CELSR2: variants seen among roughly 807,000 people sequenced by gnomAD.
CELSR2 encodes cadherin EGF LAG seven-pass G-type receptor 2.
A neutral mutation model predicts 251.6 loss-of-function variants in CELSR2; 81 were observed. The ratio of observed to expected loss-of-function variants is 0.32; its 90% CI spans 0.27 to 0.39. The LOEUF is 0.39. CELSR2 is among the 10% of genes least tolerant of loss of function. The pLI is 1.00. For missense variants in CELSR2, 3,365 were observed against 3,947.7 expected (o/e 0.85, Z 3.96); for synonymous variants, 1,721 against 1,670.5 (o/e 1.03, Z -0.74).
intron 12 of CELSR2, 53 bp from the exon 13 acceptor site, chr1:109,265,138 G>A: frequency 6.3e-7 from 1 of 1,581,066 alleles, no homozygotes. Flanking sequence ...GCTCACCTAG[G>A]TTAGGTGGGA....
In CELSR2 at chr1:109,274,267, A is replaced by G. The variant is rs1400492151; in HGVS notation, c.*218A>G. 1 of 1,192,416 alleles carries G rather than the reference A, an allele frequency of 8.4e-7. No homozygotes were observed. Among genetic ancestry groups the G allele is most frequent in the African/African-American group, 1.6e-5 (1 of 64,350 alleles). 73.9% of individuals were successfully genotyped at this position (1,192,416 alleles called of 1,614,324 possible). On this transcript the variant is annotated 3_prime_UTR_variant, in exon 34 of 34. Coordinates refer to ENST00000271332, the MANE Select transcript of CELSR2 (RefSeq NM_001408.3). ...CCCCCCCCACCATTCCCCTCACTGC[A>G]CTTTGGACCCCTGGGGCCAACATCT...
Position 109,263,633 on chromosome 1 carries a change from C to T in CELSR2, c.4857C>T (p.Phe1619=). ...CAQEMANPQH[F]LGSSLVAWHG... ...CAGAAATGGCCAATCCACAGCACTT[C>T]CTGGGCAGCAGCCTGGTGGCCTGGC... The change falls in exon 9 of 34, where the codon TTC becomes TTT. Residue 1619 remains phenylalanine (F), a synonymous_variant. Transcript: ENST00000271332. 6.2e-7 allele frequency: 1 copy of T among 1,614,044 alleles called. No individual in the cohort carries two copies.
Position 109,251,221 on chromosome 1 carries a change from C to T in CELSR2, c.1142C>T (p.Thr381Ile). 1.2e-6 allele frequency: 2 copies of T among 1,614,008 alleles called. No individual in the cohort carries two copies. Among genetic ancestry groups the T allele is most frequent in the Non-Finnish European group, 1.7e-6 (2 of 1,180,008 alleles). ...DQGRDPGPRS[T>I]TAAVFLSVED... Reference sequence around the variant, plus strand: ...GGTCGGGACCCGGGTCCTCGGAGTACCACAGCCGCTGTTTTCCTTTCTGTG... The same window carrying T: ...GGTCGGGACCCGGGTCCTCGGAGTATCACAGCCGCTGTTTTCCTTTCTGTG... The change falls in exon 1 of 34, where the codon ACC (threonine) becomes ATC (isoleucine). Residue 381 changes from threonine to isoleucine, a missense_variant. Physicochemically the swap from Thr to Ile is moderately conservative, Grantham distance 89. Around this residue, in one of 5 missense-constraint regions of CELSR2, gnomAD observed 704 missense variants for 784.1 expected, o/e 0.90. Coordinates refer to ENST00000271332, the MANE Select transcript of CELSR2 (RefSeq NM_001408.3). The surrounding 1 kb of genome is among the most constrained non-coding windows in gnomAD (Gnocchi z 4.9).
At position 109,264,461 on chromosome 1, in the gene CELSR2, G is replaced by A. The variant is rs781746147; in HGVS notation, c.5297G>A (p.Arg1766Gln). 43 of 1,612,520 alleles carry A rather than the reference G, an allele frequency of 2.7e-5. No individual in the cohort carries two copies. The highest frequency in any genetic ancestry group is 2.8e-5 in the Non-Finnish European group (33 of 1,178,940). ...RGFRGCLQGVRVSDTPEGVNS... is the reference protein window; with the variant it reads ...RGFRGCLQGVQVSDTPEGVNS... ...TGCTCCTGTCCCTCCCAGGGTGTGC[G>A]GGTGAGCGATACGCCGGAGGGGGTT... The change falls in exon 11 of 34, where the codon CGG becomes CAG. Residue 1766 changes from arginine to glutamine, a missense_variant. By Grantham distance (43) the Arg-to-Gln change is conservative. This residue lies in a region of CELSR2 where 2,093 missense variants were observed against 2,382.8 expected (regional missense o/e 0.88). Coordinates refer to ENST00000271332, the MANE Select transcript of CELSR2 (RefSeq NM_001408.3).
chr1:109,261,760 A>G lies in CELSR2; in HGVS notation c.4298-48A>G, dbSNP rs1656027316. The G allele has an allele frequency of 6.4e-7, 1 of 1,565,122 alleles. No homozygotes were observed. Among genetic ancestry groups the G allele is most frequent in the Non-Finnish European group, 8.7e-7 (1 of 1,148,624 alleles). ...AGCCACTGGCACCCCAAACCCTGCC[A>G]TTCCTAGCCCTCGTCAGGCATTCCA... On this transcript the variant is annotated intron_variant, in intron 4 of 33. Transcript: ENST00000271332. This position sits in a 1 kb window ranked among gnomAD's most constrained non-coding sequence, Gnocchi z 4.8.
Position 109,271,251 on chromosome 1 carries a change from C to A in CELSR2, c.7631C>A (p.Ala2544Asp). 6.2e-7 allele frequency: 1 copy of A among 1,614,058 alleles called. No homozygotes were observed. The highest frequency in any genetic ancestry group is 8.5e-7 in the Non-Finnish European group (1 of 1,180,012). Residue 2544 changes from alanine (A) to aspartate (D), a missense_variant, in exon 26 of 34, where the codon GCC (alanine) becomes GAC (aspartate). Physicochemically the swap from Ala to Asp is moderately radical, Grantham distance 126. Coordinates refer to ENST00000271332, the MANE Select transcript of CELSR2 (RefSeq NM_001408.3). ...SVFLYILAAR[A>D]SCAAQRQGFE... is the part of the protein sequence containing the mutation. ...TTCCTGTACATCCTGGCGGCCCGGG[C>A]CTCCTGTGCTGCCCAGCGGCAGGGC... is the stretch of plus-strand genomic sequence containing the variant.
In CELSR2 at chr1:109,258,521, G is replaced by A. The variant is rs1224808583; in HGVS notation, c.3400G>A (p.Glu1134Lys). The A allele has an allele frequency of 3.7e-6, 6 of 1,604,654 alleles. No individual in the cohort carries two copies. Among genetic ancestry groups the A allele is most frequent in the Non-Finnish European group, 4.3e-6 (5 of 1,176,000 alleles). Residue 1134 changes from glutamate to lysine, a missense_variant, in exon 2 of 34, where the codon GAG becomes AAG. This residue lies in a region of CELSR2 where 505 missense variants were observed against 660.0 expected (regional missense o/e 0.77). Transcript: ENST00000271332. ...CACCCACAGCATCACGCTGCGCCTGGAGGACATGTCACCCGAGCGCTTCCT... is the reference window on the plus strand; with the variant it reads ...CACCCACAGCATCACGCTGCGCCTGAAGGACATGTCACCCGAGCGCTTCCT... ...MLTHSITLRL[E>K]DMSPERFLSP...
chr1:109,262,259 C>T (rs371676607), intron 5 of CELSR2, 28 bp from the exon 6 acceptor site: 399 of 1,610,126 alleles, frequency 2.5e-4, no homozygotes, highest in Non-Finnish European at 3.2e-4. Flanking sequence ...ACTCAGTGTC[C>T]CCCTTCTCTG....
intron 11 of CELSR2, 117 bp from the exon 12 acceptor site, chr1:109,264,751 A>G (rs1656141682): frequency 1.9e-6 from 3 of 1,585,074 alleles, no homozygotes; most frequent in South Asian, 1.1e-5. Context: ...TGCCTACACA[A>G]CAAAGCCATA....
chr1:109,272,512 T>TG, intron 29 of CELSR2, 107 bp downstream of exon 29: 1 of 1,507,666 alleles, frequency 6.6e-7, no homozygotes, highest in South Asian at 1.2e-5. Context: ...GTGGCTGACG[T>TG]GGGGGCCAGC....
chr1:109,264,581 G>A lies in CELSR2; in HGVS notation c.5417G>A (p.Ser1806Asn), dbSNP rs150253920. 4 of 1,613,964 alleles carry A rather than the reference G, an allele frequency of 2.5e-6. No individual in the cohort carries two copies. The African/African-American group carries it at 4.0e-5, about 16-fold the overall frequency. Residue 1806 changes from serine to asparagine, a missense_variant, in exon 11 of 34, where the codon AGC (serine) becomes AAC (asparagine). Ser to Asn is a conservative substitution (Grantham distance 46). Transcript: ENST00000271332. ...GACTCAAACCCGTGTCCTGCTAACA[G>A]CTATTGCAGCAACGACTGGGACAGC... ...PCDSNPCPAN[S>N]YCSNDWDSYS... is the part of the protein sequence containing the mutation.
At position 109,273,617 on chromosome 1, in the gene CELSR2, C is replaced by T. The variant is rs1219536414; in HGVS notation, c.8691C>T (p.Pro2897=). The T allele has an allele frequency of 2.0e-6, 3 of 1,530,772 alleles. No homozygotes were observed. Among genetic ancestry groups the T allele is most frequent in the African/African-American group, 1.4e-5 (1 of 72,208 alleles). The allele number at this position is 1,530,772 out of a possible 1,614,324, so 94.8% of individuals were successfully genotyped here. ...AGGAGCAGCTGAACGGGGTCATGCC[C>T]ATCGCCATGAGCATCAAGGCAGGCA... ...SLQEQLNGVM[P]IAMSIKAGTV... is the part of the protein sequence containing the mutation. Residue 2897 remains proline (P), a synonymous_variant, in exon 33 of 34, where the codon CCC becomes CCT. Coordinates refer to ENST00000271332, the MANE Select transcript of CELSR2 (RefSeq NM_001408.3).
At chr1:109,268,228 C>A (rs1656260504) in intron 17 of CELSR2, among the ~76,000 whole-genome samples, 168 bp downstream of exon 17, 1 of 152,208 alleles carries the variant, frequency 6.6e-6, no homozygotes, top group Non-Finnish European at 1.5e-5. Context: ...CAGCCCTCTT[C>A]CCAACCCTTC....
rs991662960 is a variant in CELSR2 at position 109,258,632 on chromosome 1, C to T, written c.3511C>T (p.Arg1171Trp). The change falls in exon 2 of 34, where the codon CGG becomes TGG. Residue 1171 changes from arginine to tryptophan, a missense_variant. Physicochemically the swap from Arg to Trp is moderately radical, Grantham distance 101. This residue lies in a region of CELSR2 where 2,093 missense variants were observed against 2,382.8 expected (regional missense o/e 0.88). Coordinates refer to ENST00000271332, the MANE Select transcript of CELSR2 (RefSeq NM_001408.3). ...CCACGTGGTGGTCTTCAACGTACAG[C>T]GGGACACCGACGCCCCCGGGGGCCA... The part of the protein sequence containing the change: ...PDHVVVFNVQ[R>W]DTDAPGGHIL... The T allele has an allele frequency of 3.1e-5, 48 of 1,561,504 alleles. No individual in the cohort carries two copies. Among genetic ancestry groups the T allele is most frequent in the Non-Finnish European group, 4.0e-5 (46 of 1,152,776 alleles).
At position 109,264,269 on chromosome 1, in the gene CELSR2, C is replaced by T. The variant is rs1335566021; in HGVS notation, c.5193C>T (p.Gly1731=). 3.1e-6 allele frequency: 5 copies of T among 1,613,800 alleles called. No homozygotes were observed. In the East Asian group the frequency reaches 6.7e-5, roughly 22 times the overall value. ...YGQQRAEGNL[G]PRLHGLHLSN... Reference sequence around the variant, plus strand: ...AGCAGAGAGCAGAGGGCAACCTGGGCCCCCGGCTGCATGGTCTGCACCTGA... The same window carrying T: ...AGCAGAGAGCAGAGGGCAACCTGGGTCCCCGGCTGCATGGTCTGCACCTGA... The change falls in exon 10 of 34, where the codon GGC becomes GGT. Residue 1731 remains glycine, a synonymous_variant. Transcript: ENST00000271332.
chr1:109,252,869 G>A lies in CELSR2; in HGVS notation c.2790G>A (p.Val930=). 1.9e-6 allele frequency: 3 copies of A among 1,613,320 alleles called. No homozygotes were observed. The highest frequency in any genetic ancestry group is 2.5e-6 in the Non-Finnish European group (3 of 1,179,576). ...VFEQDEFDVF[V]EENSPIGLAV... is the part of the protein sequence containing the mutation. ...AGCAGGATGAGTTTGATGTGTTTGT[G>A]GAAGAGAACAGCCCCATTGGGCTAG... The change falls in exon 1 of 34, where the codon GTG becomes GTA. Residue 930 remains valine, a synonymous_variant. Coordinates refer to ENST00000271332, the MANE Select transcript of CELSR2 (RefSeq NM_001408.3). The surrounding 1 kb of genome is among the most constrained non-coding windows in gnomAD (Gnocchi z 4.8).
chr1:109,265,159 G>C, intron 12 of CELSR2, 32 bp from the exon 13 acceptor site: 1 of 1,578,502 alleles, frequency 6.3e-7, no homozygotes. Context: ...GTGGCAGGGG[G>C]AGCTCATGCC....
At position 109,267,579 on chromosome 1, in the gene CELSR2, G is replaced by A. The variant is rs72703204; in HGVS notation, c.6045G>A (p.Arg2015=). The change falls in exon 16 of 34, where the codon AGG becomes AGA. Residue 2015 remains arginine, a synonymous_variant. Coordinates refer to ENST00000271332, the MANE Select transcript of CELSR2 (RefSeq NM_001408.3). ...CTGTGCGCCACTGTGATGAGCACAGGGGGTGGCTCCCCCCAAACCTCTTCA... is the reference window on the plus strand; with the variant it reads ...CTGTGCGCCACTGTGATGAGCACAGAGGGTGGCTCCCCCCAAACCTCTTCA... ...GTAVRHCDEH[R]GWLPPNLFNC... is the part of the protein sequence containing the mutation. 0.032 allele frequency: 51,860 copies of A among 1,614,034 alleles called. 1,031 individuals carry two copies. Among genetic ancestry groups the A allele is most frequent in the Non-Finnish European group, 0.04 (46,675 of 1,179,918 alleles).
At chr1:109,265,335 A>G in intron 13 of CELSR2, 24 bp downstream of exon 13, 1 of 1,578,416 alleles carries the variant, frequency 6.3e-7, no homozygotes, top group Non-Finnish European at 8.6e-7. Context: ...GCAAGCCTCC[A>G]CTGTGGCCAC....
Sources: gnomAD v4.1 joint callset for allele counts (sites outside exome capture counted in the v4.1 genomes callset) on GRCh38, gnomAD v4.1.1 for gene constraint, gnomAD v4.1.1 regional missense constraint, Gnocchi (gnomAD v3.1) non-coding constraint, MANE v1.5 for transcripts, NCBI Gene and HGNC (gene_info 2026-07-23, HGNC 2026-07-21) for gene names.